PELI2: variants seen among roughly 807,000 people sequenced by gnomAD.
PELI2 encodes E3 ubiquitin-protein ligase pellino homolog 2.
A neutral mutation model predicts 42.3 loss-of-function variants in PELI2; 23 were observed. The ratio of observed to expected loss-of-function variants is 0.54; its 90% CI spans 0.39 to 0.77. PELI2 has a LOEUF of 0.77. PELI2 is among the 30% of genes least tolerant of loss of function. The pLI is 0.00. For missense variants in PELI2, 463 were observed against 553.2 expected, an observed-to-expected ratio of 0.84 and a Z score of 1.64; for synonymous variants, 245 against 212.2, an observed-to-expected ratio of 1.15 and a Z score of -1.34.
chr14:56,275,066 GTTCATTCATTCA>G (rs35868839), intron 2 of PELI2, among the ~76,000 whole-genome samples: 2 of 150,946 alleles, frequency 1.3e-5, no homozygotes. Flanking sequence ...CAGTTCATTC[GTTCATTCATTCA>G]TTCATTCATT....
chr14:56,135,958 C>T (rs1883675162), intron 1 of PELI2, among the ~76,000 whole-genome samples: 1 of 152,084 alleles, frequency 6.6e-6, no homozygotes, highest in Non-Finnish European at 1.5e-5. Flanking sequence ...ATGGAGTCTG[C>T]TTGCATCTTT....
chr14:56,172,801 C>A (rs1885227030), intron 1 of PELI2, among the ~76,000 whole-genome samples: 1 of 152,196 alleles, frequency 6.6e-6, no homozygotes, highest in Non-Finnish European at 1.5e-5. Flanking sequence ...GGTGAGATCA[C>A]CAATGACTCA....
At chr14:56,196,057 A>G (rs991150260) in intron 2 of PELI2, among the ~76,000 whole-genome samples, 3 of 152,232 alleles carry the variant, frequency 2.0e-5, no homozygotes, top group Non-Finnish European at 4.4e-5. Flanking sequence ...GGTGACTACA[A>G]TAAGTACAGA....
In PELI2 at chr14:56,219,160, G is replaced by T. The variant is rs928037097; in HGVS notation, c.207+40696G>T. On this transcript the variant is annotated intron_variant, in intron 2 of 5. Coordinates refer to ENST00000267460, the MANE Select transcript of PELI2 (RefSeq NM_021255.3). This position sits in a 1 kb window ranked among gnomAD's most constrained non-coding sequence, Gnocchi z 4.1. ...CTTAATTCCTTTTTTATTTTTTTTTGGATGACTTGAGGACAATAAGGTGTT... is the reference window on the plus strand; with the variant it reads ...CTTAATTCCTTTTTTATTTTTTTTTTGATGACTTGAGGACAATAAGGTGTT... Among the ~76,000 whole-genome samples, 13 of 135,870 alleles carry T rather than the reference G, an allele frequency of 9.6e-5. No homozygotes were observed. The highest frequency in any genetic ancestry group is 3.8e-4 in the African/African-American group (12 of 31,346). The allele number at this position is 135,870 out of a possible 152,430, so 89.1% of individuals were successfully genotyped here.
intron 1 of PELI2, among the ~76,000 whole-genome samples, chr14:56,155,487 C>T (rs1484147151): frequency 2.6e-5 from 4 of 152,016 alleles, no homozygotes; most frequent in Non-Finnish European, 1.5e-5. Context: ...TGGTGGTCCT[C>T]TCTTCATCAT....
intron 2 of PELI2, among the ~76,000 whole-genome samples, chr14:56,224,779 T>C (rs781552479): frequency 3.9e-5 from 6 of 152,260 alleles, no homozygotes; most frequent in Non-Finnish European, 8.8e-5. Context: ...AATCTTTTTT[T>C]CACTGGACTT....
At chr14:56,258,349 C>T (rs2139829858) in intron 2 of PELI2, among the ~76,000 whole-genome samples, 2 of 150,574 alleles carry the variant, frequency 1.3e-5, no homozygotes, top group South Asian at 4.2e-4. Flanking sequence ...TTACCAGAAA[C>T]TCATGGAAGT....
At chr14:56,154,052 T>A (rs2139627259) in intron 1 of PELI2, among the ~76,000 whole-genome samples, 1 of 152,292 alleles carries the variant, frequency 6.6e-6, no homozygotes, top group South Asian at 2.1e-4. Flanking sequence ...AATATAGACA[T>A]TTAGAAGATA....
Position 56,219,760 on chromosome 14 carries a change from A to T in PELI2, c.207+41296A>T, listed in dbSNP as rs1265246461. Among the ~76,000 whole-genome samples the T allele has an allele frequency of 6.6e-6, 1 of 152,218 alleles. No homozygotes were observed. Among genetic ancestry groups the T allele is most frequent in the African/African-American group, 2.4e-5 (1 of 41,452 alleles). On this transcript the variant is annotated intron_variant, in intron 2 of 5. Transcript: ENST00000267460. This position sits in a 1 kb window ranked among gnomAD's most constrained non-coding sequence, Gnocchi z 4.1. ...TTGGTAAACTGAAAAATGACACGAC[A>T]TGCCTTGACTCTATTCAGTTAGAGT...
chr14:56,256,661 A>G (rs1213351944), intron 2 of PELI2, among the ~76,000 whole-genome samples: 1 of 152,178 alleles, frequency 6.6e-6, no homozygotes, highest in Non-Finnish European at 1.5e-5. Flanking sequence ...AAAATGCAAA[A>G]CTTCAGTTTT....
chr14:56,272,651 CT>C (rs1458724381), intron 2 of PELI2, among the ~76,000 whole-genome samples: 3 of 152,234 alleles, frequency 2.0e-5, no homozygotes, highest in Non-Finnish European at 4.4e-5. Flanking sequence ...TTCACAGATA[CT>C]TTTTGTAGTC....
At chr14:56,227,248 G>C (rs563150622) in intron 2 of PELI2, among the ~76,000 whole-genome samples, 1 of 152,320 alleles carries the variant, frequency 6.6e-6, no homozygotes, top group South Asian at 2.1e-4. Context: ...TTGGATGGCA[G>C]AGCTTGAGAG....
chr14:56,285,902 G>A (rs1889629694), intron 3 of PELI2, among the ~76,000 whole-genome samples: 1 of 152,126 alleles, frequency 6.6e-6, no homozygotes, highest in Admixed American at 6.5e-5. Flanking sequence ...TACTCAAACT[G>A]CACTCCCTCT....
rs112709779 is a variant in PELI2, at chr14:56,200,091, C to T, written c.207+21627C>T. 1.1e-3 allele frequency among the ~76,000 whole-genome samples: 80 copies of T among 75,454 alleles called. 2 individuals are homozygous for T. Among genetic ancestry groups the T allele is most frequent in the African/African-American group, 2.8e-3 (78 of 27,802 alleles). 49.5% of individuals were successfully genotyped at this position (75,454 alleles called of 152,430 possible). A position where few individuals can be genotyped will look rare whatever the true frequency, so the allele number is the denominator to read the frequency against. Reference sequence around the variant, plus strand: ...ACGATTTAAAGACAGAATTCAAGGCCTCAATATAACTGTTTACATTCTTTT... The same window carrying T: ...ACGATTTAAAGACAGAATTCAAGGCTTCAATATAACTGTTTACATTCTTTT... On this transcript the variant is annotated intron_variant, in intron 2 of 5. Transcript: ENST00000267460.
chr14:56,144,901 A>G (rs1455094573), intron 1 of PELI2: 3 of 801,360 alleles, frequency 3.7e-6, no homozygotes, highest in Non-Finnish European at 4.5e-6. Flanking sequence ...CCATCCTACT[A>G]TTTCTTTATT....
At chr14:56,222,738 C>T (rs1287140020) in intron 2 of PELI2, among the ~76,000 whole-genome samples, 2 of 152,176 alleles carry the variant, frequency 1.3e-5, no homozygotes, top group African/African-American at 4.8e-5. Context: ...AATGGATGGT[C>T]CTCTTGTGCC....
chr14:56,227,505 G>C (rs1325064875), intron 2 of PELI2, among the ~76,000 whole-genome samples: 3 of 152,232 alleles, frequency 2.0e-5, no homozygotes, highest in African/African-American at 7.2e-5. Flanking sequence ...TGCTGTGGTG[G>C]TAGTTTTGAA....
At chr14:56,160,306 G>C (rs2139637902) in intron 1 of PELI2, among the ~76,000 whole-genome samples, 1 of 152,224 alleles carries the variant, frequency 6.6e-6, no homozygotes, top group East Asian at 1.9e-4. Flanking sequence ...TTATGAGGCA[G>C]GAAACAGACT....
intron 1 of PELI2, among the ~76,000 whole-genome samples, chr14:56,168,962 A>AATGT: frequency 1.3e-5 from 2 of 152,128 alleles, no homozygotes; most frequent in East Asian, 3.9e-4. Flanking sequence ...TGTATCTAGA[A>AATGT]ATGTCATCTG....
Sources: allele counts gnomAD v4.1 joint callset (sites outside exome capture counted in the v4.1 genomes callset), GRCh38; gene constraint gnomAD v4.1.1; non-coding constraint Gnocchi (gnomAD v3.1); transcripts MANE v1.5; gene names NCBI Gene and HGNC (gene_info 2026-07-23, HGNC 2026-07-21).